The following PCDHA9 variants were observed in gnomAD, a reference collection of about 807,000 sequenced individuals.
PCDHA9 encodes protocadherin alpha 9.
A neutral mutation model predicts 62.0 loss-of-function variants in PCDHA9; 62 were observed. That is an observed-to-expected ratio of 1.00 (90% CI 0.81 to 1.23). The LOEUF (loss-of-function observed/expected upper bound fraction) is 1.23, where lower values mean the gene tolerates loss of function less well. Ranked by LOEUF, PCDHA9 falls within the 50% of genes most tolerant of loss-of-function variation. The pLI, the probability that PCDHA9 is intolerant of heterozygous loss-of-function variation, is 0.00. For synonymous variants in PCDHA9, 557 were observed against 567.6 expected (o/e 0.98, Z 0.27); for missense variants, 1,205 against 1,249.8 (o/e 0.96, Z 0.54).
At chr5:140,869,296 C>G (rs782726122) in intron 1 of PCDHA9, 2 of 1,613,602 alleles carry the variant, frequency 1.2e-6, no homozygotes, top group South Asian at 1.1e-5. Flanking sequence ...GCGCCTGTTC[C>G]GGGTGGCGTC....
At chr5:140,890,747 G>C (rs2062780711) in intron 1 of PCDHA9, among the ~76,000 whole-genome samples, 1 of 152,024 alleles carries the variant, frequency 6.6e-6, no homozygotes, top group African/African-American at 2.4e-5. Context: ...TACTATTTCT[G>C]TCATGCTTTA....
chr5:140,875,537 C>A, intron 1 of PCDHA9: 1 of 1,614,130 alleles, frequency 6.2e-7, no homozygotes, highest in South Asian at 1.1e-5. Context: ...CTGCTCCTTG[C>A]AGCCTGGGAG....
chr5:140,873,131 T>C (rs895883185), intron 1 of PCDHA9, among the ~76,000 whole-genome samples: 7 of 152,334 alleles, frequency 4.6e-5, no homozygotes, highest in Admixed American at 3.9e-4. Context: ...TCAAAGAGTC[T>C]ATGCTGAAGC....
intron 3 of PCDHA9, among the ~76,000 whole-genome samples, chr5:140,992,192 C>T (rs2097497943): frequency 6.6e-6 from 1 of 152,124 alleles, no homozygotes; most frequent in Admixed American, 6.5e-5. Flanking sequence ...TTTCAGTGAT[C>T]TATCCAATCA....
chr5:140,851,265 CTTGTA>C, intron 1 of PCDHA9: 1 of 1,075,054 alleles, frequency 9.3e-7, no homozygotes, highest in Non-Finnish European at 1.2e-6. Flanking sequence ...TTTTAGTCTA[CTTGTA>C]TTGTTTATAA....
intron 1 of PCDHA9, chr5:140,869,236 G>T (rs781873875): frequency 6.2e-7 from 1 of 1,613,674 alleles, no homozygotes; most frequent in South Asian, 1.1e-5. Context: ...CGGCACCTTC[G>T]TGGGCCGCAT....
At chr5:140,869,099 A>G in intron 1 of PCDHA9, 1 of 1,596,446 alleles carries the variant, frequency 6.3e-7, no homozygotes, top group African/African-American at 1.3e-5. Flanking sequence ...CCAATTTCGT[A>G]TGCGATGTTT....
At chr5:140,900,512 G>T (rs1191935182) in intron 1 of PCDHA9, among the ~76,000 whole-genome samples, 4 of 152,300 alleles carry the variant, frequency 2.6e-5, no homozygotes, top group Middle Eastern at 3.4e-3. Context: ...CCCAGCCTCA[G>T]GTGATCTGCC....
At chr5:140,902,473 T>A (rs2069483138) in intron 1 of PCDHA9, among the ~76,000 whole-genome samples, 1 of 152,208 alleles carries the variant, frequency 6.6e-6, no homozygotes, top group African/African-American at 2.4e-5. Context: ...CTTTGAGTTT[T>A]TGCCTGCTCA....
At chr5:140,926,330 G>T (rs1269020840) in intron 1 of PCDHA9, 1 of 152,266 alleles carries the variant, frequency 6.6e-6, no homozygotes, top group East Asian at 1.9e-4. Flanking sequence ...CGGGGTCAGA[G>T]CGCCGGGACC....
At chr5:141,008,905 A>G (rs1212655574) in intron 3 of PCDHA9, among the ~76,000 whole-genome samples, 2 of 152,256 alleles carry the variant, frequency 1.3e-5, no homozygotes, top group African/African-American at 4.8e-5. Flanking sequence ...TAAAATTAAG[A>G]TCAAATAATT....
At chr5:140,939,590 C>G (rs1385974524) in intron 1 of PCDHA9, among the ~76,000 whole-genome samples, 1 of 152,052 alleles carries the variant, frequency 6.6e-6, no homozygotes, top group African/African-American at 2.4e-5. Flanking sequence ...TTTTAACATA[C>G]CTTGCTCAAA....
intron 1 of PCDHA9, chr5:140,876,682 T>C (rs782271076): frequency 5.6e-6 from 9 of 1,614,180 alleles, no homozygotes; most frequent in Non-Finnish European, 4.2e-6. Context: ...CTACAAGAAT[T>C]ACTACTCGTT....
At chr5:140,872,232 G>A (rs2053558420) in intron 1 of PCDHA9, among the ~76,000 whole-genome samples, 1 of 149,716 alleles carries the variant, frequency 6.7e-6, no homozygotes, top group South Asian at 2.1e-4. Flanking sequence ...CTTTACTTTT[G>A]TCTTTATTCC....
At chr5:140,968,044 A>G (rs959631573) in intron 1 of PCDHA9, 2 of 1,614,024 alleles carry the variant, frequency 1.2e-6, no homozygotes, top group Non-Finnish European at 1.7e-6. Context: ...TGAGCGGCCC[A>G]CTGGACCGAG....
intron 1 of PCDHA9, among the ~76,000 whole-genome samples, chr5:140,906,546 G>A (rs1261080393): frequency 2.0e-5 from 3 of 152,222 alleles, no homozygotes; most frequent in Non-Finnish European, 4.4e-5. Context: ...CCTCATTTCT[G>A]CAACTGGTTG....
At chr5:140,858,769 A>T in intron 1 of PCDHA9, 1 of 441,686 alleles carries the variant, frequency 2.3e-6, no homozygotes, top group Non-Finnish European at 4.1e-6. Flanking sequence ...TATTTGTGAG[A>T]TTAGTACTTC....
intron 1 of PCDHA9, among the ~76,000 whole-genome samples, chr5:140,919,693 T>C (rs1383014744): frequency 6.6e-6 from 1 of 152,234 alleles, no homozygotes; most frequent in Admixed American, 6.5e-5. Context: ...TTCAGATTTA[T>C]ATTAACTTAA....
intron 1 of PCDHA9, chr5:140,883,938 A>C (rs782647232): frequency 6.2e-7 from 1 of 1,613,360 alleles, no homozygotes; most frequent in East Asian, 2.2e-5. Context: ...TTCGTGCTGG[A>C]CGAGAACGAC....
Sources: allele counts gnomAD v4.1 joint callset (sites outside exome capture counted in the v4.1 genomes callset), GRCh38; gene constraint gnomAD v4.1.1; transcripts MANE v1.5; gene names NCBI Gene and HGNC (gene_info 2026-07-23, HGNC 2026-07-21).